The following FARS2 variants were observed in gnomAD, a reference collection of about 807,000 sequenced individuals.
FARS2 encodes the protein phenylalanine--tRNA ligase, mitochondrial.
FARS2 carries 40 observed loss-of-function variants against 46.4 expected under a neutral mutation model. That is an observed-to-expected ratio of 0.86 (90% CI 0.67 to 1.12). FARS2 has a LOEUF of 1.12. Among genes scored for constraint, FARS2 ranks in the 50% most tolerant of loss-of-function variants. The probability of loss-of-function intolerance (pLI) is 0.00; values close to 1 mark genes in which losing one functional copy is unlikely to be tolerated. For synonymous variants in FARS2, 234 were observed against 214.9 expected, an observed-to-expected ratio of 1.09 and a Z score of -0.78; for missense variants, 513 against 567.9, an observed-to-expected ratio of 0.90 and a Z score of 0.98.
intron 4 of FARS2, 140 bp from the exon 5 acceptor site, chr6:5,545,040 G>A: frequency 2.8e-6 from 2 of 723,646 alleles, no homozygotes; most frequent in Non-Finnish European, 4.7e-6. Flanking sequence ...CACCCTCATG[G>A]ATGTCTTTGT....
chr6:5,379,073 G>T (rs1007290750), intron 2 of FARS2, among the ~76,000 whole-genome samples: 5 of 152,156 alleles, frequency 3.3e-5, no homozygotes, highest in Non-Finnish European at 7.4e-5. Context: ...ACCCTTACTG[G>T]GCTTTCAGCA....
chr6:5,690,264 C>T (rs1757594148), intron 6 of FARS2, among the ~76,000 whole-genome samples: 1 of 152,148 alleles, frequency 6.6e-6, no homozygotes, highest in African/African-American at 2.4e-5. Context: ...TTATTGTGCT[C>T]GTTAGTTGAT....
intron 6 of FARS2, among the ~76,000 whole-genome samples, chr6:5,722,315 G>A (rs1299608367): frequency 6.6e-6 from 1 of 152,234 alleles, no homozygotes; most frequent in African/African-American, 2.4e-5. Context: ...CCACAGGTCT[G>A]CAGAACAGTC....
chr6:5,667,212 AAAAAAT>A (rs1221218044), intron 6 of FARS2, among the ~76,000 whole-genome samples: 1 of 152,196 alleles, frequency 6.6e-6, no homozygotes, highest in African/African-American at 2.4e-5. Context: ...AATAAAAATT[AAAAAAT>A]AAAAATAAAG....
rs1757033384 is a variant in FARS2, at chr6:5,343,599, T to G, written c.-21-24951T>G. ...ATATACATTTTATAACTAGAAATTG[T>G]ACACATTTTTAGTTCTTTGGAACAT... On this transcript the variant is annotated intron_variant, in intron 1 of 6. Coordinates refer to ENST00000274680, the MANE Select transcript of FARS2 (RefSeq NM_006567.5). This position sits in a 1 kb window ranked among gnomAD's most constrained non-coding sequence, Gnocchi z 4.5. Among the ~76,000 whole-genome samples, 1 of 152,246 alleles carries G rather than the reference T, an allele frequency of 6.6e-6. No individual in the cohort carries two copies. Among genetic ancestry groups the G allele is most frequent in the East Asian group, 1.9e-4 (1 of 5,196 alleles).
At chr6:5,287,000 C>T (rs566565335) in intron 1 of FARS2, among the ~76,000 whole-genome samples, 8 of 152,334 alleles carry the variant, frequency 5.3e-5, no homozygotes, top group East Asian at 1.9e-4. Context: ...CAGGCCTGGC[C>T]GCCTGTGGAG....
At chr6:5,356,570 A>T (rs1757945124) in intron 1 of FARS2, among the ~76,000 whole-genome samples, 2 of 152,254 alleles carry the variant, frequency 1.3e-5, no homozygotes, top group South Asian at 2.1e-4. Context: ...CAGAGAAAAC[A>T]TGTATGTTAA....
chr6:5,712,964 T>A (rs527801316), intron 6 of FARS2, among the ~76,000 whole-genome samples: 1 of 152,342 alleles, frequency 6.6e-6, no homozygotes, highest in East Asian at 1.9e-4. Flanking sequence ...ACTGTCACCG[T>A]TGTGATCCTT....
intron 5 of FARS2, among the ~76,000 whole-genome samples, chr6:5,592,556 C>T (rs1393366288): frequency 6.6e-6 from 1 of 152,098 alleles, no homozygotes; most frequent in Non-Finnish European, 1.5e-5. Flanking sequence ...ATTCACCAAC[C>T]TGCCAACCCT....
At chr6:5,341,221 ATATATATATATATATTTTTTT>A (rs1216768760) in intron 1 of FARS2, among the ~76,000 whole-genome samples, 158 of 4,986 alleles carry the variant, frequency 0.032, 12 homozygotes, top group African/African-American at 0.12. Context: ...ATATATATAT[ATATATATATATATATTTTTTT>A]TTTTTTTTTT....
At chr6:5,265,150 A>G (rs1038938477) in intron 1 of FARS2, among the ~76,000 whole-genome samples, 1 of 152,144 alleles carries the variant, frequency 6.6e-6, no homozygotes, top group African/African-American at 2.4e-5. Context: ...AGTAAACGCT[A>G]AAGGAATAGG....
chr6:5,519,473 G>GT (rs753086521), intron 4 of FARS2, among the ~76,000 whole-genome samples: 3 of 152,076 alleles, frequency 2.0e-5, no homozygotes, highest in African/African-American at 7.2e-5. Flanking sequence ...GTCAAGGGGG[G>GT]TTTTTTTGTG....
Position 5,475,395 on chromosome 6 carries a change from G to A in FARS2, c.904+44223G>A, listed in dbSNP as rs145897388. Among the ~76,000 whole-genome samples, 813 of 152,280 alleles carry A rather than the reference G, an allele frequency of 5.3e-3. 6 individuals carry two copies. Among genetic ancestry groups the A allele is most frequent in the South Asian group, 0.012 (59 of 4,816 alleles). ...AAAGAGCCTTTTGGAGCCAGATTAC[G>A]GAGGACCTTAAATGCTCAGCCAAGG... On this transcript the variant is annotated intron_variant, in intron 4 of 6. Coordinates refer to ENST00000274680, the MANE Select transcript of FARS2 (RefSeq NM_006567.5).
chr6:5,637,641 C>T (rs1434276969), intron 6 of FARS2, among the ~76,000 whole-genome samples: 1 of 152,216 alleles, frequency 6.6e-6, no homozygotes, highest in East Asian at 1.9e-4. Flanking sequence ...TTTGCTAGGG[C>T]TGCATAATAA....
chr6:5,623,750 G>A (rs1395690770), intron 6 of FARS2, among the ~76,000 whole-genome samples: 2 of 151,896 alleles, frequency 1.3e-5, no homozygotes, highest in Admixed American at 6.6e-5. Flanking sequence ...TTTGTAAAGT[G>A]GCATCGATGC....
At position 5,404,589 on chromosome 6, in the gene FARS2, A is replaced by G. The variant is rs777757854; in HGVS notation, c.660A>G (p.Gln220=). The G allele has an allele frequency of 5.6e-6, 9 of 1,609,744 alleles. No homozygotes were observed. The East Asian group carries it at 2.0e-4, about 36-fold the overall frequency. ...KDGESLQLFE[Q]SSRSAHKQET... ...GAGAAAGCCTGCAGCTCTTTGAACA[A>G]AGTTCTCGCTCTGCGCATAAACAAG... is the stretch of plus-strand genomic sequence containing the variant. Residue 220 remains glutamine (Q), a synonymous_variant, in exon 3 of 7, where the codon CAA becomes CAG. Transcript: ENST00000274680.
At chr6:5,547,799 C>G (rs1771124676) in intron 5 of FARS2, among the ~76,000 whole-genome samples, 2 of 152,260 alleles carry the variant, frequency 1.3e-5, no homozygotes, top group Admixed American at 6.5e-5. Flanking sequence ...CAGTAGCAGG[C>G]TAGCTCTTCT....
chr6:5,432,268 A>G (rs1438431893), intron 4 of FARS2, among the ~76,000 whole-genome samples: 4 of 141,682 alleles, frequency 2.8e-5, no homozygotes, highest in African/African-American at 7.8e-5. Context: ...GTGAGCCGAG[A>G]TCGCTATACT....
At chr6:5,619,391 T>G (rs886445693) in intron 6 of FARS2, among the ~76,000 whole-genome samples, 3 of 152,152 alleles carry the variant, frequency 2.0e-5, no homozygotes, top group Non-Finnish European at 4.4e-5. Flanking sequence ...AACCCGATTC[T>G]GCTCATAGAC....
Sources: gnomAD v4.1 joint callset for allele counts (sites outside exome capture counted in the v4.1 genomes callset) on GRCh38, gnomAD v4.1.1 for gene constraint, Gnocchi (gnomAD v3.1) non-coding constraint, MANE v1.5 for transcripts, NCBI Gene and HGNC (gene_info 2026-07-23, HGNC 2026-07-21) for gene names.